Variants in NGEF observed in about 807,000 individuals in gnomAD.
NGEF encodes the protein ephexin-1.
NGEF carries 31 observed loss-of-function variants against 80.9 expected under a neutral mutation model. The observed-to-expected ratio is 0.38, with a 90% CI of 0.29 to 0.52. The LOEUF (loss-of-function observed/expected upper bound fraction) is 0.52. NGEF is among the 20% of genes least tolerant of loss of function. The pLI is 0.84. For missense variants in NGEF, 709 were observed against 926.2 expected (o/e 0.77, Z 3.04); for synonymous variants, 371 against 370.2 (o/e 1.00, Z -0.03).
intron 3 of NGEF, among the ~76,000 whole-genome samples, chr2:232,950,876 GA>G (rs35200250): frequency 0.34 from 51,884 of 151,944 alleles, 9,198 homozygotes; most frequent in Middle Eastern, 0.45. Flanking sequence ...ACATGCTTCA[GA>G]AAAAAAACAT....
chr2:232,881,134 C>T lies in NGEF; in HGVS notation c.1942+12G>A, dbSNP rs1472625945. 3.7e-6 allele frequency: 6 copies of T among 1,610,544 alleles called. No homozygotes were observed. The South Asian group carries it at 5.5e-5, about 15-fold the overall frequency. On this transcript the variant is annotated intron_variant, in intron 14 of 14. Coordinates refer to ENST00000264051, the MANE Select transcript of NGEF (RefSeq NM_019850.3). ...CCCCTGGGGGCCCCGAGGGGAGGTCCCTGGGCCTCACCGTCGTCAGTCTTG... is the reference window on the plus strand; with the variant it reads ...CCCCTGGGGGCCCCGAGGGGAGGTCTCTGGGCCTCACCGTCGTCAGTCTTG...
chr2:232,895,346 G>A (rs1449682383), intron 5 of NGEF, among the ~76,000 whole-genome samples: 2 of 152,064 alleles, frequency 1.3e-5, no homozygotes, highest in Non-Finnish European at 2.9e-5. Flanking sequence ...GGCCAACATG[G>A]TAAAACCCTG....
intron 6 of NGEF, among the ~76,000 whole-genome samples, chr2:232,893,387 G>A (rs1376924192): frequency 6.6e-6 from 1 of 152,230 alleles, no homozygotes; most frequent in African/African-American, 2.4e-5. Context: ...CCCCTGGGCT[G>A]ACCACTGCTG....
Position 232,929,408 on chromosome 2 carries a change from C to T in NGEF, c.384-2222G>A, listed in dbSNP as rs947182364. Among the ~76,000 whole-genome samples the T allele has an allele frequency of 2.4e-4, 36 of 152,286 alleles. 1 individual carries two copies. The highest frequency in any genetic ancestry group is 2.2e-3 in the Admixed American group (34 of 15,310). On this transcript the variant is annotated intron_variant, in intron 3 of 14. Transcript: ENST00000264051. ...TTGCCTGGAAGGGAGCTCTCCTCCC[C>T]ACGTGGTCTGACTTCCCCAGCTTTG... is the stretch of plus-strand genomic sequence containing the variant.
At chr2:232,928,316 C>T (rs1693136178) in intron 3 of NGEF, among the ~76,000 whole-genome samples, 1 of 149,572 alleles carries the variant, frequency 6.7e-6, no homozygotes, top group Non-Finnish European at 1.5e-5. Flanking sequence ...CTGGGGCCTG[C>T]CGCGGGCTCG....
intron 1 of NGEF, among the ~76,000 whole-genome samples, chr2:232,994,306 G>T (rs1294977888): frequency 2.6e-5 from 4 of 150,984 alleles, no homozygotes; most frequent in African/African-American, 9.8e-5. Context: ...GGAGGCGGAG[G>T]TTGCAGTGAG....
chr2:232,891,973 AGGGACG>A (rs1172935618), intron 7 of NGEF, among the ~76,000 whole-genome samples: 13 of 14,932 alleles, frequency 8.7e-4, no homozygotes, highest in African/African-American at 1.3e-3. Flanking sequence ...CAGGGATGGC[AGGGACG>A]GCAGGGACAG....
intron 11 of NGEF, 32 bp from the exon 12 acceptor site, chr2:232,883,498 G>A (rs553671728): frequency 2.1e-5 from 33 of 1,535,958 alleles, no homozygotes; most frequent in African/African-American, 1.8e-4. Flanking sequence ...AGGCGTGTCA[G>A]CCCCGAGGAG....
At chr2:233,009,968 G>A (rs113591297) in intron 1 of NGEF, among the ~76,000 whole-genome samples, 2,881 of 152,188 alleles carry the variant, frequency 0.019, 91 homozygotes, top group African/African-American at 0.066. Context: ...CGTGAACTTG[G>A]CTCACTGCAA....
intron 12 of NGEF, among the ~76,000 whole-genome samples, chr2:232,882,718 C>A (rs532516028): frequency 6.6e-6 from 1 of 152,174 alleles, no homozygotes; most frequent in African/African-American, 2.4e-5. Flanking sequence ...GGGGCCACGA[C>A]GGGAGGAGGG....
chr2:232,984,619 A>G (rs962566492), intron 1 of NGEF, among the ~76,000 whole-genome samples: 1 of 152,156 alleles, frequency 6.6e-6, no homozygotes, highest in African/African-American at 2.4e-5. Flanking sequence ...GAGAAGAGGA[A>G]CCGTGAGCTG....
At chr2:232,949,776 C>A (rs1161146833) in intron 3 of NGEF, among the ~76,000 whole-genome samples, 1 of 147,018 alleles carries the variant, frequency 6.8e-6, no homozygotes, top group Non-Finnish European at 1.5e-5. Flanking sequence ...CTGCGCCTGG[C>A]TCTCTGCACT....
intron 5 of NGEF, 141 bp from the exon 6 acceptor site, chr2:232,895,057 C>T (rs2106235456): frequency 2.2e-6 from 2 of 896,318 alleles, no homozygotes; most frequent in East Asian, 2.6e-5. Context: ...CCTGGGATGG[C>T]TGCTGCAGGG....
At chr2:233,000,631 G>A (rs991003161) in intron 1 of NGEF, among the ~76,000 whole-genome samples, 6 of 152,034 alleles carry the variant, frequency 3.9e-5, no homozygotes, top group African/African-American at 1.4e-4. Context: ...GTGGTGGCGG[G>A]CGCCTGTAGT....
chr2:232,993,221 T>C, intron 1 of NGEF, among the ~76,000 whole-genome samples: 1 of 30,798 alleles, frequency 3.2e-5, no homozygotes, highest in African/African-American at 1.8e-4. Flanking sequence ...CCCGTATAGA[T>C]ACACACATAT....
chr2:232,989,412 A>C (rs989724960), intron 1 of NGEF, among the ~76,000 whole-genome samples: 1 of 152,238 alleles, frequency 6.6e-6, no homozygotes, highest in Admixed American at 6.5e-5. Flanking sequence ...GTGCCACTGC[A>C]CTCTAGCCTG....
intron 2 of NGEF, among the ~76,000 whole-genome samples, chr2:232,970,947 T>G (rs1326852685): frequency 2.6e-5 from 4 of 152,178 alleles, no homozygotes; most frequent in Non-Finnish European, 5.9e-5. Flanking sequence ...ACCATAACGA[T>G]TGGTGTTATT....
At chr2:232,928,066 G>C (rs893956134) in intron 3 of NGEF, 14 of 1,149,780 alleles carry the variant, frequency 1.2e-5, no homozygotes, top group Non-Finnish European at 1.5e-5. Flanking sequence ...GGCTGGGTCG[G>C]GGGCGACTAG....
chr2:232,979,128 G>A (rs534870865), intron 1 of NGEF, among the ~76,000 whole-genome samples: 2 of 152,224 alleles, frequency 1.3e-5, no homozygotes, highest in Admixed American at 6.5e-5. Flanking sequence ...GTAATCACAG[G>A]CTTAACATCA....
Sources: allele counts gnomAD v4.1 joint callset (sites outside exome capture counted in the v4.1 genomes callset), GRCh38; gene constraint gnomAD v4.1.1; transcripts MANE v1.5; gene names NCBI Gene and HGNC (gene_info 2026-07-23, HGNC 2026-07-21).